Variants in TLL1 observed in about 807,000 individuals in gnomAD.
TLL1 encodes tolloid like 1, also known as tolloid-like protein 1.
TLL1 carries 49 observed loss-of-function variants against 128.2 expected under a neutral mutation model. That is an observed-to-expected ratio of 0.38 (90% CI 0.30 to 0.48). The LOEUF is 0.48. Among genes scored for constraint, TLL1 ranks in the 20% least tolerant of loss-of-function variants. The probability of loss-of-function intolerance (pLI) is 0.96; values close to 1 mark genes in which losing one functional copy is unlikely to be tolerated. For missense variants in TLL1, 1,123 were observed against 1,242.0 expected (o/e 0.90, Z 1.44); for synonymous variants, 454 against 418.8 (o/e 1.08, Z -1.03).
Position 166,000,946 on chromosome 4 carries a change from A to G in TLL1, c.633-2445A>G, listed in dbSNP as rs139328727. Among the ~76,000 whole-genome samples, 11 of 152,316 alleles carry G rather than the reference A, an allele frequency of 7.2e-5. No individual in the cohort carries two copies. The East Asian group carries it at 2.1e-3, about 29-fold the overall frequency. On this transcript the variant is annotated intron_variant, in intron 5 of 20. Coordinates refer to ENST00000061240, the MANE Select transcript of TLL1 (RefSeq NM_012464.5). ...TATAATAAATTTGTAAATGATGAGTACAAATTAATTCATCTAACTGGCGTA... is the reference window on the plus strand; with the variant it reads ...TATAATAAATTTGTAAATGATGAGTGCAAATTAATTCATCTAACTGGCGTA...
At chr4:165,989,694 G>GT (rs1183715204) in intron 2 of TLL1, among the ~76,000 whole-genome samples, 1 of 147,350 alleles carries the variant, frequency 6.8e-6, no homozygotes, top group African/African-American at 2.5e-5. Flanking sequence ...ACAGGTTGTA[G>GT]TATTTGCTAC....
chr4:166,020,804 A>G (rs1738190908), intron 8 of TLL1, among the ~76,000 whole-genome samples: 1 of 152,230 alleles, frequency 6.6e-6, no homozygotes, highest in Non-Finnish European at 1.5e-5. Context: ...TTTTAAAAGT[A>G]TAACATAAAT....
intron 1 of TLL1, among the ~76,000 whole-genome samples, chr4:165,910,745 G>A (rs946354250): frequency 3.9e-5 from 6 of 152,072 alleles, no homozygotes; most frequent in African/African-American, 7.2e-5. Flanking sequence ...AAATAACTAC[G>A]CCCATCACTT....
intron 1 of TLL1, among the ~76,000 whole-genome samples, chr4:165,922,591 A>G (rs1733085651): frequency 1.3e-5 from 2 of 152,230 alleles, no homozygotes; most frequent in African/African-American, 4.8e-5. Context: ...ATGACACTGT[A>G]AAATCTCAGA....
At chr4:165,946,461 T>G (rs1351489132) in intron 1 of TLL1, among the ~76,000 whole-genome samples, 3 of 151,424 alleles carry the variant, frequency 2.0e-5, no homozygotes, top group East Asian at 2.0e-4. Context: ...ACCTCCCAAG[T>G]AGCTGGGACT....
At position 165,981,302 on chromosome 4, in the gene TLL1, C is replaced by T. The variant is rs116660913; in HGVS notation, c.170-8079C>T. Among the ~76,000 whole-genome samples the T allele has an allele frequency of 7.2e-3, 1,088 of 152,116 alleles. 12 individuals are homozygous for T. The highest frequency in any genetic ancestry group is 0.025 in the African/African-American group (1,034 of 41,528). On this transcript the variant is annotated intron_variant, in intron 1 of 20. Coordinates refer to ENST00000061240, the MANE Select transcript of TLL1 (RefSeq NM_012464.5). ...ATATTGTTACAAGCAAAATAAAATG[C>T]ACAGAAACCTGTGGATTTTTTGTTT...
chr4:165,962,221 A>G (rs1352616320), intron 1 of TLL1, among the ~76,000 whole-genome samples: 3 of 152,164 alleles, frequency 2.0e-5, no homozygotes, highest in Admixed American at 2.0e-4. Flanking sequence ...ACTTAAATCC[A>G]TAAACAAAAA....
chr4:166,099,073 T>G (rs574393706), intron 19 of TLL1, among the ~76,000 whole-genome samples: 2 of 152,206 alleles, frequency 1.3e-5, no homozygotes, highest in African/African-American at 4.8e-5. Context: ...GGGACTGAGA[T>G]TCCAACCCAG....
At chr4:166,095,194 T>C (rs952309009) in intron 19 of TLL1, among the ~76,000 whole-genome samples, 4 of 152,044 alleles carry the variant, frequency 2.6e-5, no homozygotes, top group Admixed American at 6.6e-5. Context: ...TCAAACACTA[T>C]GAATTTTTGA....
intron 1 of TLL1, among the ~76,000 whole-genome samples, chr4:165,914,934 G>A (rs546604071): frequency 6.6e-6 from 1 of 152,298 alleles, no homozygotes; most frequent in Admixed American, 6.5e-5. Flanking sequence ...AAGATGTGCA[G>A]AAACCCAAGA....
chr4:165,981,829 T>C (rs1020978146), intron 1 of TLL1, among the ~76,000 whole-genome samples: 1 of 152,052 alleles, frequency 6.6e-6, no homozygotes, highest in African/African-American at 2.4e-5. Flanking sequence ...CTTTCATTTT[T>C]CAATAAAGTG....
chr4:165,918,682 G>A (rs577384867), intron 1 of TLL1, among the ~76,000 whole-genome samples: 2 of 152,102 alleles, frequency 1.3e-5, no homozygotes, highest in South Asian at 4.2e-4. Flanking sequence ...CTCTTACACG[G>A]TGGTTTCTCC....
intron 20 of TLL1, among the ~76,000 whole-genome samples, 175 bp from the exon 21 acceptor site, chr4:166,100,567 G>A (rs1027313496): frequency 6.6e-6 from 1 of 152,020 alleles, no homozygotes; most frequent in East Asian, 1.9e-4. Flanking sequence ...TTTCTTCTCC[G>A]AATCCCATTT....
rs1010536240 is a variant in TLL1, at chr4:165,943,647, C to G, written c.170-45734C>G. Among the ~76,000 whole-genome samples the G allele has an allele frequency of 2.0e-5, 3 of 151,856 alleles. No individual in the cohort carries two copies. In the East Asian group the frequency reaches 5.8e-4, roughly 29 times the overall value. Reference sequence around the variant, plus strand: ...TTGGAAATTGTTTCCTATCGTCTTCCTAAGCCACATTTGGAAAATGTGAAG... The same window carrying G: ...TTGGAAATTGTTTCCTATCGTCTTCGTAAGCCACATTTGGAAAATGTGAAG... On this transcript the variant is annotated intron_variant, in intron 1 of 20. Transcript: ENST00000061240.
At chr4:165,890,821 A>C (rs979554795) in intron 1 of TLL1, among the ~76,000 whole-genome samples, 3 of 152,222 alleles carry the variant, frequency 2.0e-5, no homozygotes, top group Admixed American at 2.0e-4. Context: ...CAGTTCCACT[A>C]GTCAGTGCCC....
At chr4:166,037,316 T>A (rs959885010) in intron 9 of TLL1, among the ~76,000 whole-genome samples, 2 of 152,196 alleles carry the variant, frequency 1.3e-5, no homozygotes, top group Admixed American at 1.3e-4. Flanking sequence ...TTCATAAAAA[T>A]AAATTAGATA....
At chr4:166,052,477 A>G (rs762386759) in intron 12 of TLL1, among the ~76,000 whole-genome samples, 6 of 152,094 alleles carry the variant, frequency 3.9e-5, no homozygotes, top group Middle Eastern at 3.4e-3. Context: ...TTGTATTTTT[A>G]GTAGAGACAG....
chr4:166,072,397 C>G (rs999961846), intron 16 of TLL1, among the ~76,000 whole-genome samples: 10 of 151,618 alleles, frequency 6.6e-5, no homozygotes, highest in African/African-American at 2.4e-4. Flanking sequence ...CCTCTTCTTT[C>G]TTTTCTTTTT....
intron 19 of TLL1, among the ~76,000 whole-genome samples, chr4:166,095,429 G>A (rs746874472): frequency 6.6e-6 from 1 of 151,734 alleles, no homozygotes; most frequent in African/African-American, 2.4e-5. Flanking sequence ...AAAAAATCCT[G>A]TGTCTTTTCT....
Sources: allele counts gnomAD v4.1 joint callset (sites outside exome capture counted in the v4.1 genomes callset), GRCh38; gene constraint gnomAD v4.1.1; transcripts MANE v1.5; gene names NCBI Gene and HGNC (gene_info 2026-07-23, HGNC 2026-07-21).